FAAH2: variants seen among roughly 807,000 people sequenced by gnomAD.
FAAH2 encodes fatty-acid amide hydrolase 2.
A neutral mutation model predicts 36.9 loss-of-function variants in FAAH2; 60 were observed. That is an observed-to-expected ratio of 1.63 (90% CI 1.32 to 2.02). FAAH2 has a LOEUF of 2.02. Ranked by LOEUF, FAAH2 falls within the 30% of genes most tolerant of loss-of-function variation. FAAH2 has a pLI of 0.00. For synonymous variants in FAAH2, 214 were observed against 143.8 expected, an observed-to-expected ratio of 1.49 and a Z score of -3.49; for missense variants, 689 against 397.5, an observed-to-expected ratio of 1.73 and a Z score of -6.23.
chrX:57,173,496 C>A, the FAAH2 span, among the ~76,000 whole-genome samples: 1 of 111,796 alleles, frequency 8.9e-6, no homozygotes, highest in Admixed American at 9.5e-5. Context: ...TTAATGTCTT[C>A]TAGGTATAAG....
At chrX:57,330,860 A>G (rs1429475575) in intron 3 of FAAH2, among the ~76,000 whole-genome samples, 1 of 110,766 alleles carries the variant, frequency 9.0e-6, no homozygotes, top group East Asian at 2.9e-4. Context: ...GGTCTGTTCC[A>G]GGACTTTGCA....
At chrX:57,353,179 A>T in intron 5 of FAAH2, among the ~76,000 whole-genome samples, 1 of 110,120 alleles carries the variant, frequency 9.1e-6, no homozygotes, top group Admixed American at 9.7e-5. Flanking sequence ...AGAATAGTGC[A>T]TTACCTCACT....
At chrX:57,371,249 A>G (rs2054542704) in intron 5 of FAAH2, among the ~76,000 whole-genome samples, 1 of 109,963 alleles carries the variant, frequency 9.1e-6, no homozygotes, top group African/African-American at 3.3e-5. Context: ...CCCCCTTCAA[A>G]CTCTCCCCAA....
chrX:57,330,759 G>C (rs966160044), intron 3 of FAAH2, among the ~76,000 whole-genome samples: 4 of 111,349 alleles, frequency 3.6e-5, no homozygotes, highest in African/African-American at 1.3e-4. Flanking sequence ...ACTGGCTGAT[G>C]CTTAGGGAAA....
At chrX:57,160,172 A>T in the FAAH2 span, among the ~76,000 whole-genome samples, 1 of 111,909 alleles carries the variant, frequency 8.9e-6, no homozygotes, top group Non-Finnish European at 1.9e-5. Context: ...CCACCCTTGA[A>T]TCCCAGGGAT....
chrX:57,471,656 G>A (rs1225887097), intron 10 of FAAH2, among the ~76,000 whole-genome samples: 1 of 111,726 alleles, frequency 9.0e-6, no homozygotes, highest in African/African-American at 3.3e-5. Context: ...TCGTGAAAAT[G>A]GCCATACTGC....
chrX:57,333,458 A>C (rs978034191), intron 4 of FAAH2, among the ~76,000 whole-genome samples: 6 of 112,245 alleles, frequency 5.3e-5, no homozygotes, highest in African/African-American at 1.9e-4. Context: ...AGAGATATTG[A>C]AATTATCAGA....
chrX:57,288,308 C>A (rs2051869516), intron 1 of FAAH2, among the ~76,000 whole-genome samples: 1 of 97,769 alleles, frequency 1.0e-5, no homozygotes, highest in Admixed American at 1.1e-4. Flanking sequence ...AGCTTTTCTA[C>A]GATCTAGCTC....
At chrX:57,284,201 C>T (rs146576450), upstream of FAAH2, among the ~76,000 whole-genome samples, 109 of 111,348 alleles carry the variant, frequency 9.8e-4, 2 homozygotes, top group Middle Eastern at 9.2e-3. Context: ...CCTTATCCTG[C>T]GGCGTGCCCG....
In FAAH2 at chrX:57,410,625, G is replaced by A. The variant is rs776533666; in HGVS notation, c.997-21293G>A. On this transcript the variant is annotated intron_variant, in intron 7 of 10. Transcript: ENST00000374900. ...TTATCATTATATAATAACCTCCTTT[G>A]TCTCTTGTGGGCCTTATTTTTTACT... is the stretch of plus-strand genomic sequence containing the variant. Among the ~76,000 whole-genome samples, 18 of 110,814 alleles carry A rather than the reference G, an allele frequency of 1.6e-4. No homozygotes were observed. The East Asian group carries it at 5.1e-3, about 31-fold the overall frequency.
the FAAH2 span, among the ~76,000 whole-genome samples, chrX:57,177,016 A>T: frequency 1.8e-5 from 2 of 111,026 alleles, no homozygotes; most frequent in East Asian, 5.7e-4. Context: ...TTGCACTTAA[A>T]AAAAAAATCC....
chrX:57,268,118 A>T, the FAAH2 span, among the ~76,000 whole-genome samples: 1 of 112,063 alleles, frequency 8.9e-6, no homozygotes, highest in Non-Finnish European at 1.9e-5. Context: ...AAATTACAGA[A>T]GCTGACAGAC....
the FAAH2 span, among the ~76,000 whole-genome samples, chrX:57,195,231 G>A: frequency 8.9e-6 from 1 of 111,804 alleles, no homozygotes; most frequent in Non-Finnish European, 1.9e-5. Flanking sequence ...CCCACCAGCA[G>A]TGTAAAAGTG....
At chrX:57,453,110 C>T (rs1316401569) in intron 10 of FAAH2, among the ~76,000 whole-genome samples, 3 of 111,725 alleles carry the variant, frequency 2.7e-5, no homozygotes, top group African/African-American at 9.8e-5. Context: ...TAAGAACTTG[C>T]AGCTCTTCAA....
At chrX:57,341,240 T>C (rs958802646) in intron 4 of FAAH2, 31 bp from the exon 5 acceptor site, 2 of 1,183,169 alleles carry the variant, frequency 1.7e-6, no homozygotes, top group Non-Finnish European at 2.3e-6. Flanking sequence ...TATTAGATTA[T>C]TTATTTGCAA....
intron 7 of FAAH2, among the ~76,000 whole-genome samples, chrX:57,409,489 G>T (rs1302142013): frequency 1.8e-5 from 2 of 110,776 alleles, no homozygotes; most frequent in Admixed American, 9.6e-5. Context: ...TAAATCATTG[G>T]TAAAATTCAC....
At chrX:57,423,540 T>A (rs1569335333) in intron 7 of FAAH2, among the ~76,000 whole-genome samples, 1 of 111,684 alleles carries the variant, frequency 9.0e-6, no homozygotes. Flanking sequence ...CTCCACCAGG[T>A]TGAGAGTGTG....
chrX:57,286,580 C>T (rs534674837), upstream of FAAH2: 27 of 283,269 alleles, frequency 9.5e-5, no homozygotes, highest in South Asian at 5.4e-3. Flanking sequence ...CATTTTCTGT[C>T]TTGGGTTACA....
At chrX:57,255,813 G>A in the FAAH2 span, among the ~76,000 whole-genome samples, 6 of 111,525 alleles carry the variant, frequency 5.4e-5, no homozygotes, top group African/African-American at 1.6e-4. Context: ...ACCCACAACC[G>A]ATATCATATC....
Sources: gnomAD v4.1 joint callset for allele counts (sites outside exome capture counted in the v4.1 genomes callset) on GRCh38, gnomAD v4.1.1 for gene constraint, MANE v1.5 for transcripts, NCBI Gene and HGNC (gene_info 2026-07-23, HGNC 2026-07-21) for gene names.